The following FMN2 variants were observed in gnomAD, a reference collection of about 807,000 sequenced individuals.
The protein encoded by FMN2 is formin-2.
A neutral mutation model predicts 142.3 loss-of-function variants in FMN2; 51 were observed. That is an observed-to-expected ratio of 0.36 (90% CI 0.29 to 0.45). FMN2 has a LOEUF of 0.45. Among genes scored for constraint, FMN2 ranks in the 20% least tolerant of loss-of-function variants. The pLI is 1.00. For missense variants in FMN2, 1,936 were observed against 2,122.8 expected (o/e 0.91, Z 1.73); for synonymous variants, 882 against 869.8 (o/e 1.01, Z -0.25).
intron 6 of FMN2, among the ~76,000 whole-genome samples, chr1:240,242,000 C>T (rs1251421589): frequency 6.6e-6 from 1 of 151,944 alleles, no homozygotes; most frequent in South Asian, 2.1e-4. Context: ...TGCCCGCCAC[C>T]ACGCCCGGCT....
chr1:240,202,833 T>C (rs1181733703), intron 4 of FMN2, among the ~76,000 whole-genome samples: 1 of 152,164 alleles, frequency 6.6e-6, no homozygotes, highest in Non-Finnish European at 1.5e-5. Flanking sequence ...CTATTTTCAT[T>C]ATATTCAAAT....
chr1:240,211,110 A>G lies in FMN2; in HGVS notation c.3940A>G (p.Ile1314Val), dbSNP rs373007799. 1.1e-5 allele frequency: 17 copies of G among 1,612,206 alleles called. No individual in the cohort carries two copies. In the East Asian group the frequency reaches 3.8e-4, roughly 36 times the overall value. The stretch of plus-strand genomic sequence containing the variant: ...TTTTAGAGACTCCAGTACTTCACTT[A>G]TTTGGGAAAAAATTGAAGAGCCATC... ...HSKRDSSTSLIWEKIEEPSID... is the reference protein window; with the variant it reads ...HSKRDSSTSLVWEKIEEPSID... Residue 1314 changes from isoleucine to valine, a missense_variant, in exon 6 of 18, where the codon ATT (isoleucine) becomes GTT (valine). Around this residue, in one of 8 missense-constraint regions of FMN2, gnomAD observed 259 missense variants for 230.9 expected, o/e 1.12. Coordinates refer to ENST00000319653, the MANE Select transcript of FMN2 (RefSeq NM_020066.5).
chr1:240,177,406 G>C (rs1664964959), intron 2 of FMN2, among the ~76,000 whole-genome samples: 1 of 147,370 alleles, frequency 6.8e-6, no homozygotes, highest in African/African-American at 2.5e-5. Context: ...CTGTTTCATG[G>C]TTTCTCTCCC....
Position 240,361,206 on chromosome 1 carries a change from A to G in FMN2, c.4858+5298A>G, listed in dbSNP as rs74151644. Among the ~76,000 whole-genome samples, 599 of 146,708 alleles carry G rather than the reference A, an allele frequency of 4.1e-3. 8 individuals carry two copies. The highest frequency in any genetic ancestry group is 0.014 in the African/African-American group (558 of 40,616). ...ATATAAAAGAGTTTAAAGAAGGAAA[A>G]AAACACGACACGAAGAAATGGACAC... On this transcript the variant is annotated intron_variant, in intron 14 of 17. Transcript: ENST00000319653.
intron 6 of FMN2, among the ~76,000 whole-genome samples, chr1:240,236,732 C>T (rs1323526077): frequency 4.6e-5 from 7 of 152,152 alleles, no homozygotes; most frequent in African/African-American, 1.2e-4. Flanking sequence ...ATAACTCACT[C>T]ATTCCCATGA....
At chr1:240,391,651 G>T (rs1441868519) in intron 14 of FMN2, among the ~76,000 whole-genome samples, 1 of 151,980 alleles carries the variant, frequency 6.6e-6, no homozygotes, top group Non-Finnish European at 1.5e-5. Flanking sequence ...AATCAGTTTA[G>T]CAGGTCCCAA....
chr1:240,367,127 G>A (rs1006294498), intron 14 of FMN2, among the ~76,000 whole-genome samples: 55 of 152,106 alleles, frequency 3.6e-4, no homozygotes, highest in African/African-American at 1.3e-3. Flanking sequence ...TGACCCAATT[G>A]ACTCTTTAAA....
chr1:240,331,874 A>G (rs1671387628), intron 11 of FMN2, among the ~76,000 whole-genome samples: 1 of 152,200 alleles, frequency 6.6e-6, no homozygotes, highest in African/African-American at 2.4e-5. Context: ...AGTGCTGAAT[A>G]TCTCATGTAA....
At chr1:240,183,672 T>C (rs1353862583) in intron 3 of FMN2, among the ~76,000 whole-genome samples, 2 of 151,890 alleles carry the variant, frequency 1.3e-5, no homozygotes, top group Non-Finnish European at 2.9e-5. Context: ...AGGCAGAGCC[T>C]CAGTACTATT....
chr1:240,354,496 C>T (rs570516538), intron 13 of FMN2, among the ~76,000 whole-genome samples: 8 of 152,290 alleles, frequency 5.3e-5, no homozygotes, highest in Non-Finnish European at 8.8e-5. Flanking sequence ...CTATGAAATA[C>T]ATGGGCTATA....
At chr1:240,328,263 T>G (rs10157903) in intron 8 of FMN2, among the ~76,000 whole-genome samples, 58,877 of 150,266 alleles carry the variant, frequency 0.39, 11,866 homozygotes, top group Admixed American at 0.52. Flanking sequence ...AGTACAAAAA[T>G]CAATAAACAA....
intron 1 of FMN2, among the ~76,000 whole-genome samples, chr1:240,094,566 G>A (rs1661134256): frequency 6.6e-6 from 1 of 152,124 alleles, no homozygotes; most frequent in South Asian, 2.1e-4. Context: ...GCAGTCCAAT[G>A]AGTTTATCCT....
intron 14 of FMN2, among the ~76,000 whole-genome samples, chr1:240,366,735 GA>G (rs1672684166): frequency 1.3e-5 from 2 of 152,164 alleles, no homozygotes; most frequent in African/African-American, 4.8e-5. Flanking sequence ...ATTTTTAGTA[GA>G]GGGGGGGTTT....
At chr1:240,201,100 G>A (rs138319602) in intron 4 of FMN2, among the ~76,000 whole-genome samples, 1 of 151,972 alleles carries the variant, frequency 6.6e-6, no homozygotes, top group African/African-American at 2.4e-5. Flanking sequence ...TATTATCTAA[G>A]TACCCTCAAT....
At chr1:240,423,045 A>G (rs1674826601) in intron 15 of FMN2, among the ~76,000 whole-genome samples, 1 of 152,196 alleles carries the variant, frequency 6.6e-6, no homozygotes, top group African/African-American at 2.4e-5. Context: ...TCAAGATAAA[A>G]GAAATGCCAG....
At chr1:240,429,513 T>C (rs139577922) in intron 15 of FMN2, among the ~76,000 whole-genome samples, 115 of 152,358 alleles carry the variant, frequency 7.5e-4, no homozygotes, top group African/African-American at 2.4e-3. Context: ...AAATCTTAAG[T>C]GTTCCTTTCA....
chr1:240,276,604 T>C (rs1316990537), intron 7 of FMN2, among the ~76,000 whole-genome samples: 2 of 152,132 alleles, frequency 1.3e-5, no homozygotes, highest in African/African-American at 2.4e-5. Context: ...TAGTGGAAGA[T>C]GCAGTTATCT....
chr1:240,431,947 T>A (rs1432817706), intron 15 of FMN2, among the ~76,000 whole-genome samples: 1 of 151,754 alleles, frequency 6.6e-6, no homozygotes, highest in Admixed American at 6.6e-5. Flanking sequence ...CATAATATCT[T>A]TTTTAGTTTT....
chr1:240,382,936 T>C (rs1212418089), intron 14 of FMN2, among the ~76,000 whole-genome samples: 1 of 152,036 alleles, frequency 6.6e-6, no homozygotes, highest in Admixed American at 6.6e-5. Context: ...TAGAACAGAA[T>C]AGAGCACCAA....
Sources: allele counts gnomAD v4.1 joint callset (sites outside exome capture counted in the v4.1 genomes callset), GRCh38; gene constraint gnomAD v4.1.1; regional missense constraint gnomAD v4.1.1; transcripts MANE v1.5; gene names NCBI Gene and HGNC (gene_info 2026-07-23, HGNC 2026-07-21).